EGFR: variants seen among roughly 807,000 people sequenced by gnomAD.
The protein encoded by EGFR is avian erythroblastic leukemia viral (v-erb-b) oncogene homolog.
EGFR carries 58 observed loss-of-function variants against 143.0 expected under a neutral mutation model. The observed-to-expected ratio is 0.41, with a 90% confidence interval of 0.33 to 0.50. The LOEUF is 0.50. EGFR is among the 20% of genes least tolerant of loss of function. The pLI is 0.39. For synonymous variants in EGFR, 613 were observed against 594.4 expected (o/e 1.03, Z -0.45); for missense variants, 1,307 against 1,579.0 (o/e 0.83, Z 2.92).
In EGFR at chr7:55,209,463, A is replaced by C. The variant is rs1324991344; in HGVS notation, c.*3846A>C. The C allele has an allele frequency of 6.6e-6, 1 of 152,226 alleles. No homozygotes were observed. Among genetic ancestry groups the C allele is most frequent in the Non-Finnish European group, 1.5e-5 (1 of 68,036 alleles). 9.4% of individuals were successfully genotyped at this position (152,226 alleles called of 1,614,324 possible). ...CTGGGACCCTCTGCATTCTCTAAGT[A>C]AGTTATAGAAACCAGTCTCTTCCCT... On this transcript the variant is annotated 3_prime_UTR_variant, in exon 28 of 28. Transcript: ENST00000275493.
chr7:55,037,703 A>C (rs1468895561), intron 1 of EGFR, among the ~76,000 whole-genome samples: 3 of 152,208 alleles, frequency 2.0e-5, no homozygotes, highest in Non-Finnish European at 4.4e-5. Context: ...TTACCATAAA[A>C]TCCTAATAGT....
chr7:55,031,968 G>C (rs1787275692), intron 1 of EGFR, among the ~76,000 whole-genome samples: 1 of 152,220 alleles, frequency 6.6e-6, no homozygotes, highest in Non-Finnish European at 1.5e-5. Context: ...GGTCACAGGT[G>C]AGAGGGGCTG....
chr7:55,050,222 GT>G (rs1562669312), intron 1 of EGFR, among the ~76,000 whole-genome samples: 1 of 152,090 alleles, frequency 6.6e-6, no homozygotes, highest in Non-Finnish European at 1.5e-5. Context: ...CTGAAACTCT[GT>G]CCCCATTAAG....
intron 22 of EGFR, among the ~76,000 whole-genome samples, chr7:55,194,186 C>A (rs1031760679): frequency 6.6e-6 from 1 of 152,034 alleles, no homozygotes; most frequent in African/African-American, 2.4e-5. Flanking sequence ...CTTGCTCCCC[C>A]TCATCTATGC....
chr7:55,058,510 C>T (rs58728126), intron 1 of EGFR, among the ~76,000 whole-genome samples: 2 of 152,144 alleles, frequency 1.3e-5, no homozygotes, highest in African/African-American at 2.4e-5. Context: ...ATATATACCA[C>T]GAAATACTAT....
intron 5 of EGFR, among the ~76,000 whole-genome samples, chr7:55,151,760 G>A (rs1785167818): frequency 1.3e-5 from 2 of 152,204 alleles, no homozygotes; most frequent in African/African-American, 4.8e-5. Flanking sequence ...TGTAGTCCCA[G>A]CTACTCGGGA....
rs77374514 is a variant in EGFR at position 55,034,836 on chromosome 7, G to A, written c.88+15471G>A. Among the ~76,000 whole-genome samples, 77 of 152,306 alleles carry A rather than the reference G, an allele frequency of 5.1e-4. 1 individual carries two copies. In the East Asian group the frequency reaches 0.013, roughly 26 times the overall value. The stretch of plus-strand genomic sequence containing the variant: ...CTTTGCTGCAAGAAACACCAAACAT[G>A]GAAAAGCTAACGGTTCAAAGTTAAT... On this transcript the variant is annotated intron_variant, in intron 1 of 27. Transcript: ENST00000275493.
chr7:55,035,599 C>T (rs1171220562), intron 1 of EGFR, among the ~76,000 whole-genome samples: 1 of 149,698 alleles, frequency 6.7e-6, no homozygotes, highest in Non-Finnish European at 1.5e-5. Context: ...ACATAAGAAT[C>T]ACTTGAATCC....
chr7:55,055,763 A>C (rs980394349), intron 1 of EGFR, among the ~76,000 whole-genome samples: 3 of 151,370 alleles, frequency 2.0e-5, no homozygotes, highest in African/African-American at 7.3e-5. Flanking sequence ...GGTCGATGCC[A>C]TCTACCCTGG....
chr7:55,175,083 G>A (rs17290385), intron 19 of EGFR, among the ~76,000 whole-genome samples: 2,007 of 152,320 alleles, frequency 0.013, 64 homozygotes, highest in African/African-American at 0.045. Flanking sequence ...TTCTTGACAC[G>A]CATGATGAGT....
At chr7:55,026,584 G>A (rs549198188) in intron 1 of EGFR, among the ~76,000 whole-genome samples, 1 of 152,280 alleles carries the variant, frequency 6.6e-6, no homozygotes, top group East Asian at 1.9e-4. Flanking sequence ...CCAGAGACAT[G>A]CTAGTCCCGA....
chr7:55,066,668 C>CTGGGG (rs1355925558), intron 1 of EGFR, among the ~76,000 whole-genome samples: 3 of 152,166 alleles, frequency 2.0e-5, no homozygotes, highest in Non-Finnish European at 4.4e-5. Flanking sequence ...TTCCACCGTG[C>CTGGGG]TGGGGTGGGG....
intron 1 of EGFR, among the ~76,000 whole-genome samples, chr7:55,070,571 T>G (rs1789760528): frequency 6.6e-6 from 1 of 152,228 alleles, no homozygotes; most frequent in South Asian, 2.1e-4. Context: ...TGACAAGACC[T>G]GGAGTTGGAA....
chr7:55,034,104 A>G (rs1416079096), intron 1 of EGFR, among the ~76,000 whole-genome samples: 1 of 152,138 alleles, frequency 6.6e-6, no homozygotes, highest in Non-Finnish European at 1.5e-5. Flanking sequence ...TGCCTGGACC[A>G]TCTTGTGAGG....
chr7:55,091,566 G>A (rs1460588093), intron 1 of EGFR, among the ~76,000 whole-genome samples: 2 of 152,176 alleles, frequency 1.3e-5, no homozygotes, highest in East Asian at 3.9e-4. Flanking sequence ...CAGAGAGTAA[G>A]GCCAGGGAGA....
At chr7:55,085,651 C>T (rs1033908903) in intron 1 of EGFR, among the ~76,000 whole-genome samples, 1 of 152,206 alleles carries the variant, frequency 6.6e-6, no homozygotes, top group African/African-American at 2.4e-5. Context: ...ATTTAGAATT[C>T]TGGTTTTAGC....
intron 1 of EGFR, among the ~76,000 whole-genome samples, chr7:55,116,458 A>G (rs1256015333): frequency 1.3e-5 from 2 of 152,370 alleles, no homozygotes; most frequent in East Asian, 1.9e-4. Flanking sequence ...CTGCCCAGGC[A>G]GCTTTGCTCA....
In EGFR at chr7:55,152,678, C is replaced by T. The variant is rs1785219921; in HGVS notation, c.747+14C>T. ...AGCGACTGCCTGGTAAGATGCCCCTCCAGCAGCCTCCCTGGAGCAGGCTGG... is the reference window on the plus strand; with the variant it reads ...AGCGACTGCCTGGTAAGATGCCCCTTCAGCAGCCTCCCTGGAGCAGGCTGG... On this transcript the variant is annotated intron_variant, in intron 6 of 27. Transcript: ENST00000275493. The T allele has an allele frequency of 6.2e-7, 1 of 1,610,784 alleles. No individual in the cohort carries two copies. The highest frequency in any genetic ancestry group is 1.7e-4 in the Middle Eastern group (1 of 6,052).
At chr7:55,124,661 C>A (rs1167817437) in intron 1 of EGFR, among the ~76,000 whole-genome samples, 1 of 152,184 alleles carries the variant, frequency 6.6e-6, no homozygotes, top group East Asian at 1.9e-4. Flanking sequence ...GATCCGTTCC[C>A]TTCTGATCAT....
Sources: allele counts gnomAD v4.1 joint callset (sites outside exome capture counted in the v4.1 genomes callset), GRCh38; gene constraint gnomAD v4.1.1; transcripts MANE v1.5; gene names NCBI Gene and HGNC (gene_info 2026-07-23, HGNC 2026-07-21).